Variants in TAOK3 observed in about 807,000 individuals in gnomAD.
TAOK3 encodes the protein serine/threonine-protein kinase TAO3.
Under a neutral mutation model 120.4 loss-of-function variants are expected in TAOK3, and 40 were observed. The observed-to-expected ratio is 0.33, with a 90% CI of 0.26 to 0.43. The LOEUF (loss-of-function observed/expected upper bound fraction) is 0.43, where lower values mean the gene tolerates loss of function less well. Among genes scored for constraint, TAOK3 ranks in the 20% least tolerant of loss-of-function variants. TAOK3 has a pLI of 1.00. For synonymous variants in TAOK3, 355 were observed against 387.5 expected (o/e 0.92, Z 0.99); for missense variants, 821 against 1,112.1 (o/e 0.74, Z 3.72).
chr12:118,338,646 C>T (rs1329197271), intron 1 of TAOK3, among the ~76,000 whole-genome samples: 3 of 151,774 alleles, frequency 2.0e-5, no homozygotes, highest in Non-Finnish European at 2.9e-5. Flanking sequence ...ATTAGCCAGG[C>T]GTGGTGGCCA....
intron 3 of TAOK3, among the ~76,000 whole-genome samples, chr12:118,250,334 T>C (rs1332939120): frequency 6.6e-6 from 1 of 152,176 alleles, no homozygotes; most frequent in Non-Finnish European, 1.5e-5. Flanking sequence ...ATAATTTCTG[T>C]TTTCTCTGAA....
At chr12:118,346,485 T>C (rs2044866824) in intron 1 of TAOK3, among the ~76,000 whole-genome samples, 1 of 152,178 alleles carries the variant, frequency 6.6e-6, no homozygotes, top group Admixed American at 6.5e-5. Context: ...CAAAATATTG[T>C]TTTGGGGCAT....
chr12:118,304,024 T>C (rs76296910), intron 1 of TAOK3, among the ~76,000 whole-genome samples: 2,136 of 152,304 alleles, frequency 0.014, 53 homozygotes, highest in African/African-American at 0.048. Flanking sequence ...TCCTTTTGCC[T>C]CCCTCATGCC....
chr12:118,248,103 T>C (rs1429491150), intron 3 of TAOK3, among the ~76,000 whole-genome samples: 2 of 152,028 alleles, frequency 1.3e-5, no homozygotes, highest in African/African-American at 4.8e-5. Context: ...TCAGATACAA[T>C]GGTTTCTTTA....
At chr12:118,281,011 T>C (rs1392519257) in intron 1 of TAOK3, among the ~76,000 whole-genome samples, 2 of 152,196 alleles carry the variant, frequency 1.3e-5, no homozygotes, top group East Asian at 3.8e-4. Flanking sequence ...ACGCTCTTCA[T>C]ATATAGGAAT....
At chr12:118,219,417 G>A (rs1326938736) in intron 9 of TAOK3, among the ~76,000 whole-genome samples, 2 of 151,748 alleles carry the variant, frequency 1.3e-5, no homozygotes, top group African/African-American at 4.8e-5. Context: ...AATCCTTTCA[G>A]GTTTCATCTC....
At chr12:118,171,082 G>A (rs576538943) in intron 17 of TAOK3, among the ~76,000 whole-genome samples, 2 of 152,274 alleles carry the variant, frequency 1.3e-5, no homozygotes, top group East Asian at 3.9e-4. Context: ...ACAGTATTCT[G>A]TATTCCTCAT....
chr12:118,327,030 T>C (rs1260649245), intron 1 of TAOK3, among the ~76,000 whole-genome samples: 1 of 152,232 alleles, frequency 6.6e-6, no homozygotes, highest in Non-Finnish European at 1.5e-5. Context: ...TCTGCACATA[T>C]CAGTCTAAAT....
intron 7 of TAOK3, among the ~76,000 whole-genome samples, chr12:118,237,594 G>A (rs1565994125): frequency 1.3e-5 from 2 of 152,044 alleles, no homozygotes; most frequent in Admixed American, 6.6e-5. Flanking sequence ...CTCTTCATAT[G>A]CCAAAATACA....
chr12:118,254,926 T>A (rs1052127685), intron 3 of TAOK3, among the ~76,000 whole-genome samples: 1 of 149,046 alleles, frequency 6.7e-6, no homozygotes, highest in Non-Finnish European at 1.5e-5. Context: ...CCTGGCTAAT[T>A]TTTTTTTTTG....
intron 11 of TAOK3, among the ~76,000 whole-genome samples, chr12:118,207,944 CAA>C (rs2139396708): frequency 6.6e-6 from 1 of 150,400 alleles, no homozygotes; most frequent in Admixed American, 6.6e-5. Context: ...ATTTCTTCAC[CAA>C]AAGAGTTATC....
chr12:118,233,709 T>C lies in TAOK3; in HGVS notation c.608A>G (p.Asp203Gly). Residue 203 changes from aspartate (D) to glycine (G), a missense_variant, in exon 9 of 21, where the codon GAT becomes GGT. Around this residue, in one of 2 missense-constraint regions of TAOK3, gnomAD observed 467 missense variants for 540.0 expected, o/e 0.86. Transcript: ENST00000392533. ...MDEGQYDGKV[D>G]IWSLGITCIE... ...ACAAGTGATGCCAAGTGACCAAATA[T>C]CAACTTTCCCATCATACTGTCCTTC... The C allele has an allele frequency of 6.2e-7, 1 of 1,610,854 alleles. No individual in the cohort carries two copies. Among genetic ancestry groups the C allele is most frequent in the African/African-American group, 1.3e-5 (1 of 74,838 alleles).
intron 1 of TAOK3, among the ~76,000 whole-genome samples, chr12:118,267,731 A>G (rs2041515255): frequency 6.6e-6 from 1 of 151,240 alleles, no homozygotes; most frequent in South Asian, 2.1e-4. Context: ...CTGAAAATAA[A>G]CAAACTAGCT....
At chr12:118,362,661 A>G (rs1176040584) in intron 1 of TAOK3, among the ~76,000 whole-genome samples, 1 of 152,190 alleles carries the variant, frequency 6.6e-6, no homozygotes, top group African/African-American at 2.4e-5. Flanking sequence ...CTCTGACTCA[A>G]GTGAACATCC....
chr12:118,253,398 G>C (rs2040838990), intron 3 of TAOK3, among the ~76,000 whole-genome samples: 1 of 152,142 alleles, frequency 6.6e-6, no homozygotes, highest in African/African-American at 2.4e-5. Flanking sequence ...TTTATTATTT[G>C]CTTTAATGGA....
rs1352567674 is a variant in TAOK3 at position 118,371,541 on chromosome 12, T to C, written c.-194+1107A>G. On this transcript the variant is annotated intron_variant, in intron 1 of 20. Coordinates refer to ENST00000392533, the MANE Select transcript of TAOK3 (RefSeq NM_016281.4). This position sits in a 1 kb window ranked among gnomAD's most constrained non-coding sequence, Gnocchi z 5.5. Reference sequence around the variant, plus strand: ...AATCCGGCTCCGGAGTCCCCCGGAGTCCCGGGGGCTCACACTCCACCCTCA... The same window carrying C: ...AATCCGGCTCCGGAGTCCCCCGGAGCCCCGGGGGCTCACACTCCACCCTCA... Among the ~76,000 whole-genome samples the C allele has an allele frequency of 6.6e-6, 1 of 151,282 alleles. No homozygotes were observed. The highest frequency in any genetic ancestry group is 2.4e-5 in the African/African-American group (1 of 41,070).
At chr12:118,206,356 T>C (rs1315789784) in intron 11 of TAOK3, among the ~76,000 whole-genome samples, 2 of 152,218 alleles carry the variant, frequency 1.3e-5, no homozygotes, top group African/African-American at 4.8e-5. Flanking sequence ...TTAAACCTTT[T>C]ACAAACAGAT....
intron 13 of TAOK3, among the ~76,000 whole-genome samples, chr12:118,192,945 A>G (rs1257263230): frequency 1.3e-5 from 2 of 151,948 alleles, no homozygotes; most frequent in African/African-American, 4.8e-5. Flanking sequence ...GCATGGTTAT[A>G]ATTTATCTTT....
At chr12:118,340,905 T>C (rs2044588710) in intron 1 of TAOK3, among the ~76,000 whole-genome samples, 1 of 151,782 alleles carries the variant, frequency 6.6e-6, no homozygotes, top group African/African-American at 2.4e-5. Flanking sequence ...ATTACACCAC[T>C]GCACGACAGC....
Sources: gnomAD v4.1 joint callset for allele counts (sites outside exome capture counted in the v4.1 genomes callset) on GRCh38, gnomAD v4.1.1 for gene constraint, gnomAD v4.1.1 regional missense constraint, Gnocchi (gnomAD v3.1) non-coding constraint, MANE v1.5 for transcripts, NCBI Gene and HGNC (gene_info 2026-07-23, HGNC 2026-07-21) for gene names.